MPZL3: variants seen among roughly 807,000 people sequenced by gnomAD.
The protein encoded by MPZL3 is myelin protein zero-like protein 3.
Under a neutral mutation model 24.8 loss-of-function variants are expected in MPZL3, and 23 were observed. That is an observed-to-expected ratio of 0.93 (90% CI 0.67 to 1.31). The LOEUF (loss-of-function observed/expected upper bound fraction) is 1.31. Among genes scored for constraint, MPZL3 ranks in the 40% most tolerant of loss-of-function variants. The pLI is 0.00. For synonymous variants in MPZL3, 99 were observed against 106.5 expected (o/e 0.93, Z 0.44); for missense variants, 277 against 294.9 (o/e 0.94, Z 0.44).
intron 2 of MPZL3, 106 bp from the exon 3 acceptor site, chr11:118,237,366 T>C: frequency 9.6e-7 from 1 of 1,047,024 alleles, no homozygotes; most frequent in Non-Finnish European, 1.4e-6. Flanking sequence ...GGTGTGTTTT[T>C]TTTCAGTTGG....
At chr11:118,233,262 G>A (rs565538372) in intron 5 of MPZL3, among the ~76,000 whole-genome samples, 198 bp downstream of exon 5, 11 of 152,218 alleles carry the variant, frequency 7.2e-5, no homozygotes, top group South Asian at 4.1e-4. Flanking sequence ...CTACGACCAC[G>A]AGACAGGAAA....
intron 5 of MPZL3, 117 bp downstream of exon 5, chr11:118,233,343 T>C: frequency 8.9e-7 from 1 of 1,118,976 alleles, no homozygotes; most frequent in Non-Finnish European, 1.3e-6. Flanking sequence ...CTGGTTCATA[T>C]CTTGCTTGGA....
chr11:118,252,119 T>C, intron 1 of MPZL3, 103 bp downstream of exon 1: 3 of 1,130,884 alleles, frequency 2.7e-6, no homozygotes, highest in South Asian at 1.3e-5. Flanking sequence ...TTCCCAGAGC[T>C]ATGCGGGGGC....
At chr11:118,246,032 T>C (rs1413827793) in intron 1 of MPZL3, among the ~76,000 whole-genome samples, 1 of 152,158 alleles carries the variant, frequency 6.6e-6, no homozygotes, top group Non-Finnish European at 1.5e-5. Flanking sequence ...ATCTCTTTAG[T>C]TTCCCTCCAA....
rs568702993 is a variant in MPZL3 at position 118,230,156 on chromosome 11, T to C, written c.682-236A>G. Among the ~76,000 whole-genome samples the C allele has an allele frequency of 4.6e-5, 7 of 152,298 alleles. No homozygotes were observed. The South Asian group carries it at 1.2e-3, about 27-fold the overall frequency. On this transcript the variant is annotated intron_variant, in intron 5 of 5. Coordinates refer to ENST00000278949, the MANE Select transcript of MPZL3 (RefSeq NM_198275.3). The stretch of plus-strand genomic sequence containing the variant: ...GTGGTTTCCTTTCCCTTGGTGAATA[T>C]TTTTTAGAACCTCAACACACAAGAA...
intron 5 of MPZL3, among the ~76,000 whole-genome samples, chr11:118,230,798 C>T (rs1054065769): frequency 2.0e-5 from 3 of 152,108 alleles, no homozygotes; most frequent in Non-Finnish European, 4.4e-5. Flanking sequence ...TTGGCCTTCC[C>T]TATTGTTCTT....
At chr11:118,234,520 G>A (rs536367228) in intron 4 of MPZL3, among the ~76,000 whole-genome samples, 6 of 152,292 alleles carry the variant, frequency 3.9e-5, no homozygotes, top group African/African-American at 1.4e-4. Context: ...ATGAAGTATA[G>A]TATGTTAGGG....
At position 118,233,477 on chromosome 11, in the gene MPZL3, G is replaced by T. The variant is rs760495054; in HGVS notation, c.664C>A (p.Arg222Ser). Reference sequence around the variant, plus strand: ...GCACTTACCAGGCACTCAGCGCAACGGACACAAAGCCTCGCCATACACGCC... The same window carrying T: ...GCACTTACCAGGCACTCAGCGCAACTGACACAAAGCCTCGCCATACACGCC... The part of the protein sequence containing the change: ...EEACMARLCV[R>S]CAECLDSDYE... Residue 222 changes from arginine (R) to serine (S), a missense_variant, in exon 5 of 6, where the codon CGT becomes AGT. Physicochemically the swap from Arg to Ser is moderately radical, Grantham distance 110 (BLOSUM62 -1). Coordinates refer to ENST00000278949, the MANE Select transcript of MPZL3 (RefSeq NM_198275.3). 1.2e-6 allele frequency: 2 copies of T among 1,613,810 alleles called. No individual in the cohort carries two copies. Among genetic ancestry groups the T allele is most frequent in the Non-Finnish European group, 1.7e-6 (2 of 1,179,868 alleles).
chr11:118,248,359 A>C (rs1469438391), intron 1 of MPZL3, among the ~76,000 whole-genome samples: 1 of 152,174 alleles, frequency 6.6e-6, no homozygotes, highest in Non-Finnish European at 1.5e-5. Flanking sequence ...ATAAGCATTA[A>C]AATTACACAT....
chr11:118,238,575 C>T (rs1189055183), intron 2 of MPZL3, among the ~76,000 whole-genome samples: 1 of 152,204 alleles, frequency 6.6e-6, no homozygotes, highest in Non-Finnish European at 1.5e-5. Flanking sequence ...TTGGTACCTT[C>T]CCATTTAGGA....
chr11:118,231,384 C>T (rs190136606), intron 5 of MPZL3, among the ~76,000 whole-genome samples: 11 of 152,250 alleles, frequency 7.2e-5, no homozygotes, highest in Admixed American at 6.5e-4. Context: ...CTCTTCATCT[C>T]CCCATCCTAG....
chr11:118,247,902 C>T (rs185325851), intron 1 of MPZL3, among the ~76,000 whole-genome samples: 14 of 152,264 alleles, frequency 9.2e-5, no homozygotes, highest in Non-Finnish European at 1.3e-4. Flanking sequence ...GCATCTCTCT[C>T]CATCCTCATG....
At chr11:118,239,564 C>T (rs1329923793) in intron 2 of MPZL3, among the ~76,000 whole-genome samples, 1 of 152,128 alleles carries the variant, frequency 6.6e-6, no homozygotes, top group Non-Finnish European at 1.5e-5. Flanking sequence ...TTCAATTAGA[C>T]ACCTACAATG....
rs183453145 is a variant in MPZL3 at position 118,237,132 on chromosome 11, A to T, written c.369T>A (p.Asn123Lys). ...TCTTCACAGCACAGCTGAATGTCCC[A>T]TTGTCCTTTATGGTAGGGTTGCTTA... is the stretch of plus-strand genomic sequence containing the variant. Reference protein sequence around the residue: ...ISISNPTIKDNGTFSCAVKNP... With the variant: ...ISISNPTIKDKGTFSCAVKNP... Residue 123 changes from asparagine (N) to lysine (K), a missense_variant, in exon 3 of 6, where the codon AAT becomes AAA. Asn to Lys is a moderately conservative substitution (Grantham distance 94). Coordinates refer to ENST00000278949, the MANE Select transcript of MPZL3 (RefSeq NM_198275.3). 2.0e-5 allele frequency: 33 copies of T among 1,614,080 alleles called. No homozygotes were observed. The East Asian group carries it at 6.2e-4, about 31-fold the overall frequency.
rs1409236418 is a variant in MPZL3, at chr11:118,233,455, C to G, written c.681+5G>C. The G allele has an allele frequency of 6.2e-7, 1 of 1,613,874 alleles. No homozygotes were observed. The highest frequency in any genetic ancestry group is 1.7e-5 in the Admixed American group (1 of 59,992). ...CAGTAAGCAGAAGGAATGGCATGCA[C>G]TTACCAGGCACTCAGCGCAACGGAC... On this transcript the variant is annotated splice_donor_5th_base_variant and intron_variant, in intron 5 of 5. Coordinates refer to ENST00000278949, the MANE Select transcript of MPZL3 (RefSeq NM_198275.3).
In MPZL3 at chr11:118,237,164, T is replaced by C. The variant is rs1011365492; in HGVS notation, c.337A>G (p.Ile113Val). The change falls in exon 3 of 6, where the codon ATA becomes GTA. Residue 113 changes from isoleucine (I) to valine (V), a missense_variant. By Grantham distance (29) the Ile-to-Val change is conservative (BLOSUM62 3). Coordinates refer to ENST00000278949, the MANE Select transcript of MPZL3 (RefSeq NM_198275.3). ...VGNVYKGDAS[I>V]SISNPTIKDN... ...TTTATGGTAGGGTTGCTTATACTTATAGATGCATCCCCTTTGTATACATTT... is the reference window on the plus strand; with the variant it reads ...TTTATGGTAGGGTTGCTTATACTTACAGATGCATCCCCTTTGTATACATTT... The C allele has an allele frequency of 1.7e-5, 28 of 1,614,004 alleles. No individual in the cohort carries two copies. The highest frequency in any genetic ancestry group is 8.8e-5 in the South Asian group (8 of 91,092).
At chr11:118,231,755 G>C (rs1949354703) in intron 5 of MPZL3, among the ~76,000 whole-genome samples, 1 of 152,122 alleles carries the variant, frequency 6.6e-6, no homozygotes, top group African/African-American at 2.4e-5. Context: ...AAATGCAGAA[G>C]CAGTAAATCC....
intron 1 of MPZL3, 46 bp downstream of exon 1, chr11:118,252,176 C>G: frequency 6.2e-7 from 1 of 1,605,192 alleles, no homozygotes; most frequent in Non-Finnish European, 8.5e-7. Flanking sequence ...ACCATCTTCC[C>G]TAACCCCCCG....
chr11:118,233,233 CT>C (rs763803771), intron 5 of MPZL3, among the ~76,000 whole-genome samples: 7 of 152,148 alleles, frequency 4.6e-5, no homozygotes, highest in Non-Finnish European at 8.8e-5. Flanking sequence ...GCCCCCTTCC[CT>C]AACCTAAGAC....
Sources: allele counts gnomAD v4.1 joint callset (sites outside exome capture counted in the v4.1 genomes callset), GRCh38; gene constraint gnomAD v4.1.1; transcripts MANE v1.5; gene names NCBI Gene and HGNC (gene_info 2026-07-23, HGNC 2026-07-21).